Variants in CEP85L observed in about 807,000 individuals in gnomAD.
CEP85L encodes the protein centrosomal protein of 85 kDa-like.
CEP85L carries 60 observed loss-of-function variants against 100.3 expected under a neutral mutation model. That is an observed-to-expected ratio of 0.60 (90% CI 0.49 to 0.74). The LOEUF (loss-of-function observed/expected upper bound fraction) is 0.74, where lower values mean the gene tolerates loss of function less well. Among genes scored for constraint, CEP85L ranks in the 30% least tolerant of loss-of-function variants. The probability of loss-of-function intolerance (pLI) is 0.00; values close to 1 mark genes in which losing one functional copy is unlikely to be tolerated. For missense variants in CEP85L, 973 were observed against 936.2 expected (o/e 1.04, Z -0.51); for synonymous variants, 319 against 322.7 (o/e 0.99, Z 0.12).
chr6:118,704,094 G>A (rs1771754), intron 1 of CEP85L, among the ~76,000 whole-genome samples: 7,713 of 152,160 alleles, frequency 0.051, 363 homozygotes, highest in African/African-American at 0.13. Flanking sequence ...GCACACACAT[G>A]CCTACCAGAT....
intron 2 of CEP85L, chr6:118,574,165 C>T (rs1261543754): frequency 2.6e-5 from 4 of 152,252 alleles, no homozygotes; most frequent in Admixed American, 1.3e-4. Context: ...TCAGCCCAGA[C>T]ATGTCCAGAC....
At chr6:118,662,256 G>A (rs1244950682) in intron 1 of CEP85L, among the ~76,000 whole-genome samples, 1 of 152,152 alleles carries the variant, frequency 6.6e-6, no homozygotes, top group Admixed American at 6.5e-5. Context: ...TTGGCCGGGT[G>A]CGGTGGCTCA....
intron 2 of CEP85L, among the ~76,000 whole-genome samples, chr6:118,613,138 C>T (rs1023029251): frequency 4.6e-5 from 7 of 151,638 alleles, no homozygotes; most frequent in African/African-American, 1.2e-4. Flanking sequence ...CTTAACCCGG[C>T]GGGCAGAGGT....
upstream of CEP85L, chr6:118,651,621 G>C (rs563042272): frequency 1.9e-3 from 1,955 of 1,050,752 alleles, 29 homozygotes; most frequent in African/African-American, 0.03. Context: ...AGCCAGAGCC[G>C]GGGCTGGGGC....
chr6:118,649,237 CT>C (rs1452257016), intron 1 of CEP85L, among the ~76,000 whole-genome samples: 3 of 151,992 alleles, frequency 2.0e-5, no homozygotes, highest in African/African-American at 7.2e-5. Flanking sequence ...TGAAAAAAAA[CT>C]TTACAAAGGC....
At chr6:118,563,376 A>C (rs1447776632) in intron 3 of CEP85L, among the ~76,000 whole-genome samples, 1 of 152,196 alleles carries the variant, frequency 6.6e-6, no homozygotes, top group Non-Finnish European at 1.5e-5. Context: ...AGCTGTGAGA[A>C]TCAAATGAGA....
chr6:118,651,320 T>A lies in CEP85L; in HGVS notation c.-51A>T, dbSNP rs1466163222. On this transcript the variant is annotated 5_prime_UTR_variant, in exon 1 of 13. Transcript: ENST00000368491. ...AGGGACGCCCGACTCCTCACGTCCG[T>A]CCTCCTGCTTCTTCGGCGGCGGAAA... is the stretch of plus-strand genomic sequence containing the variant. The A allele has an allele frequency of 1.4e-6, 2 of 1,401,218 alleles. No homozygotes were observed. The highest frequency in any genetic ancestry group is 1.9e-6 in the Non-Finnish European group (2 of 1,078,492). 86.8% of individuals were successfully genotyped at this position (1,401,218 alleles called of 1,614,324 possible).
In CEP85L at chr6:118,512,814, A is replaced by G. The variant is rs140505630; in HGVS notation, c.1140-1399T>C. 4.9e-4 allele frequency among the ~76,000 whole-genome samples: 75 copies of G among 152,322 alleles called. 2 individuals are homozygous for G. In the East Asian group the frequency reaches 0.013, roughly 27 times the overall value. On this transcript the variant is annotated intron_variant, in intron 4 of 12. Coordinates refer to ENST00000368491, the MANE Select transcript of CEP85L (RefSeq NM_001042475.3). ...TAAAGTTCAGGAATACAAAAATGTA[A>G]TATCAAAAACAAGTTAAAATTCATA... is the stretch of plus-strand genomic sequence containing the variant.
In CEP85L at chr6:118,558,866, C is replaced by T. The variant is rs189611501; in HGVS notation, c.1020+6663G>A. The T allele has an allele frequency of 8.5e-4, 1,201 of 1,417,476 alleles. 1 individual carries two copies. The highest frequency in any genetic ancestry group is 1.1e-3 in the Non-Finnish European group (1,117 of 1,002,186). The allele number at this position is 1,417,476 out of a possible 1,614,324, so 87.8% of individuals were successfully genotyped here. ...CAGTTATCTCATATTTGGCTGCCAG[C>T]TTTTTATCTTTCTCTCGACCACTTA... On this transcript the variant is annotated intron_variant, in intron 3 of 12. Coordinates refer to ENST00000368491, the MANE Select transcript of CEP85L (RefSeq NM_001042475.3).
Position 118,461,548 on chromosome 6 carries a change from C to A in CEP85L, c.*3857G>T, listed in dbSNP as rs1194680664. The A allele has an allele frequency of 6.6e-6, 1 of 152,022 alleles. No homozygotes were observed. Among genetic ancestry groups the A allele is most frequent in the Non-Finnish European group, 1.5e-5 (1 of 67,936 alleles). The allele number at this position is 152,022 out of a possible 1,614,324, so 9.4% of individuals were successfully genotyped here. A position where few individuals can be genotyped will look rare whatever the true frequency, so the allele number is the denominator to read the frequency against. On this transcript the variant is annotated 3_prime_UTR_variant, in exon 13 of 13. Coordinates refer to ENST00000368491, the MANE Select transcript of CEP85L (RefSeq NM_001042475.3). ...CACAAAAGGTTCTCTCTGTGTACAG[C>A]TGCAATAGTGTTATTAGACTTGCTG...
intron 7 of CEP85L, among the ~76,000 whole-genome samples, chr6:118,482,193 A>T (rs1228073227): frequency 6.6e-6 from 1 of 152,142 alleles, no homozygotes; most frequent in Non-Finnish European, 1.5e-5. Flanking sequence ...TCTCATTTTA[A>T]ATTTATTTTA....
intron 1 of CEP85L, among the ~76,000 whole-genome samples, chr6:118,682,660 C>T (rs2114263549): frequency 6.6e-6 from 1 of 151,654 alleles, no homozygotes; most frequent in East Asian, 1.9e-4. Flanking sequence ...TTGGTTTATG[C>T]TTCAGGTAGA....
At chr6:118,673,392 G>A (rs539403999) in intron 1 of CEP85L, among the ~76,000 whole-genome samples, 1 of 152,302 alleles carries the variant, frequency 6.6e-6, no homozygotes, top group Non-Finnish European at 1.5e-5. Flanking sequence ...TATGTTTACA[G>A]GCAAATGTGC....
chr6:118,643,112 T>C (rs935059774), intron 1 of CEP85L, among the ~76,000 whole-genome samples: 5 of 152,168 alleles, frequency 3.3e-5, no homozygotes, highest in African/African-American at 9.7e-5. Context: ...ACACAATACA[T>C]TTAAATGGCT....
Position 118,632,993 on chromosome 6 carries a change from G to A in CEP85L, c.74-382C>T, listed in dbSNP as rs985772828. Among the ~76,000 whole-genome samples the A allele has an allele frequency of 5.9e-4, 89 of 151,962 alleles. 1 individual carries two copies. Among genetic ancestry groups the A allele is most frequent in the Admixed American group, 5.8e-3 (89 of 15,244 alleles). ...TGCGTTAGCTGAAAATCAGGGCTCAGGAAAATTCAATAATAATGCATGATA... is the reference window on the plus strand; with the variant it reads ...TGCGTTAGCTGAAAATCAGGGCTCAAGAAAATTCAATAATAATGCATGATA... On this transcript the variant is annotated intron_variant, in intron 1 of 12. Transcript: ENST00000368491.
intron 2 of CEP85L, among the ~76,000 whole-genome samples, chr6:118,620,165 G>A (rs1003463937): frequency 2.6e-5 from 4 of 152,092 alleles, no homozygotes; most frequent in South Asian, 4.1e-4. Context: ...CCCTAACTCC[G>A]GATTCCCTGG....
intron 1 of CEP85L, among the ~76,000 whole-genome samples, chr6:118,680,718 A>C (rs1230114551): frequency 6.6e-6 from 1 of 152,036 alleles, no homozygotes; most frequent in Non-Finnish European, 1.5e-5. Flanking sequence ...CTCTACAAAA[A>C]TACAAAAATT....
chr6:118,649,672 T>A (rs1775418664), intron 1 of CEP85L, among the ~76,000 whole-genome samples: 1 of 152,148 alleles, frequency 6.6e-6, no homozygotes, highest in Non-Finnish European at 1.5e-5. Context: ...ACAGGATTTG[T>A]GAATAATCTG....
intron 5 of CEP85L, among the ~76,000 whole-genome samples, chr6:118,492,651 A>T (rs1204821304): frequency 6.6e-6 from 1 of 152,156 alleles, no homozygotes; most frequent in African/African-American, 2.4e-5. Flanking sequence ...CTGTAAAAGC[A>T]AAGAAAGAGG....
Sources: allele counts gnomAD v4.1 joint callset (sites outside exome capture counted in the v4.1 genomes callset), GRCh38; gene constraint gnomAD v4.1.1; transcripts MANE v1.5; gene names NCBI Gene and HGNC (gene_info 2026-07-23, HGNC 2026-07-21).